Variants in SLC12A1 observed in about 807,000 individuals in gnomAD.
SLC12A1 encodes Na-K-2Cl cotransporter.
In SLC12A1, 89 loss-of-function variants were observed where a neutral mutation model predicts 130.4. That is an observed-to-expected ratio of 0.68 (90% CI 0.58 to 0.81). The LOEUF is 0.81. SLC12A1 is among the 40% of genes least tolerant of loss of function. SLC12A1 has a pLI of 0.00. For missense variants in SLC12A1, 1,310 were observed against 1,336.4 expected (o/e 0.98, Z 0.31); for synonymous variants, 499 against 460.0 (o/e 1.08, Z -1.09).
At chr15:48,212,911 A>G (rs190582774) in intron 2 of SLC12A1, among the ~76,000 whole-genome samples, 5 of 152,356 alleles carry the variant, frequency 3.3e-5, no homozygotes, top group East Asian at 1.9e-4. Flanking sequence ...CTTTAAATGC[A>G]GTGTAGTAAT....
At chr15:48,256,033 T>A in intron 16 of SLC12A1, 123 bp downstream of exon 16, 2 of 682,436 alleles carry the variant, frequency 2.9e-6, no homozygotes, top group Admixed American at 4.4e-5. Context: ...TAAGCAGTCA[T>A]ACAAAACTGC....
chr15:48,226,405 T>C (rs893764675), intron 4 of SLC12A1, 71 bp from the exon 5 acceptor site: 1 of 909,622 alleles, frequency 1.1e-6, no homozygotes, highest in African/African-American at 1.7e-5. Flanking sequence ...AAAGGCAGTG[T>C]AGTTTGCAGC....
At chr15:48,266,073 T>G (rs992379821) in intron 17 of SLC12A1, among the ~76,000 whole-genome samples, 6 of 152,204 alleles carry the variant, frequency 3.9e-5, no homozygotes, top group African/African-American at 1.4e-4. Context: ...ACATTTCAAA[T>G]GTTCAATAGC....
intron 18 of SLC12A1, among the ~76,000 whole-genome samples, chr15:48,268,851 T>C (rs1327516171): frequency 6.6e-6 from 1 of 152,186 alleles, no homozygotes; most frequent in Non-Finnish European, 1.5e-5. Flanking sequence ...AAAATAATAT[T>C]TTCAACTAGG....
chr15:48,251,847 C>A (rs927972402), intron 15 of SLC12A1, 77 bp downstream of exon 15: 1 of 1,264,524 alleles, frequency 7.9e-7, no homozygotes, highest in African/African-American at 1.5e-5. Flanking sequence ...TATTGAGCAG[C>A]TTCTATGGGC....
intron 7 of SLC12A1, 111 bp from the exon 8 acceptor site, chr15:48,232,616 A>C: frequency 1.3e-6 from 1 of 748,692 alleles, no homozygotes; most frequent in Non-Finnish European, 2.4e-6. Context: ...GCAGAGACTT[A>C]ACTGAAATAT....
intron 4 of SLC12A1, chr15:48,221,409 G>T: frequency 1.4e-6 from 1 of 700,476 alleles, no homozygotes; most frequent in South Asian, 1.5e-5. Flanking sequence ...TGGTGAAAAT[G>T]TGACCTGACT....
Position 48,301,320 on chromosome 15 carries a change from C to T in SLC12A1, c.3102C>T (p.Tyr1034=), listed in dbSNP as rs563145063. 1.9e-6 allele frequency: 3 copies of T among 1,599,188 alleles called. No individual in the cohort carries two copies. Among genetic ancestry groups the T allele is most frequent in the Admixed American group, 3.4e-5 (2 of 58,550 alleles). The change falls in exon 26 of 27, where the codon TAC becomes TAT. Residue 1034 remains tyrosine, a synonymous_variant. Transcript: ENST00000380993. Reference sequence around the variant, plus strand: ...AATCTGAATGTTGCCCACAGAGTTACCGCCAAGTTCGACTGAATGAACTCT... The same window carrying T: ...AATCTGAATGTTGCCCACAGAGTTATCGCCAAGTTCGACTGAATGAACTCT... The part of the protein sequence containing the change: ...AELEAVKEKS[Y]RQVRLNELLQ...
intron 24 of SLC12A1, 88 bp downstream of exon 24, chr15:48,291,952 G>A (rs1174730105): frequency 8.1e-6 from 7 of 867,230 alleles, no homozygotes; most frequent in Non-Finnish European, 1.1e-5. Flanking sequence ...AAAATGTTAT[G>A]TATTTACTGC....
Position 48,291,799 on chromosome 15 carries a change from A to G in SLC12A1, c.2895A>G (p.Lys965=). 1 of 1,565,430 alleles carries G rather than the reference A, an allele frequency of 6.4e-7. No individual in the cohort carries two copies. The highest frequency in any genetic ancestry group is 2.3e-5 in the East Asian group (1 of 42,842). ...EKIVMASLLS[K]FRIKFADIHI... ...TCAGAATGGCTTCCCTTCTGAGCAAATTTAGGATAAAATTTGCAGACATCC... is the reference window on the plus strand; with the variant it reads ...TCAGAATGGCTTCCCTTCTGAGCAAGTTTAGGATAAAATTTGCAGACATCC... The change falls in exon 24 of 27, where the codon AAA becomes AAG. Residue 965 remains lysine (K), a synonymous_variant. Transcript: ENST00000380993.
intron 25 of SLC12A1, among the ~76,000 whole-genome samples, chr15:48,300,426 G>C (rs2042221019): frequency 6.6e-6 from 1 of 152,068 alleles, no homozygotes; most frequent in Non-Finnish European, 1.5e-5. Flanking sequence ...GTGGGATTTT[G>C]GACAGTGAAG....
intron 14 of SLC12A1, 27 bp downstream of exon 14, chr15:48,249,703 G>A (rs1385864940): frequency 6.8e-7 from 1 of 1,466,784 alleles, no homozygotes; most frequent in Admixed American, 1.7e-5. Context: ...ACTAAAATAT[G>A]CCTAAGCAAA....
intron 20 of SLC12A1, among the ~76,000 whole-genome samples, chr15:48,278,506 C>T (rs974761670): frequency 5.3e-5 from 8 of 152,100 alleles, no homozygotes; most frequent in Non-Finnish European, 1.0e-4. Flanking sequence ...TAAAGAGAGG[C>T]AATGGTGAAA....
In SLC12A1 at chr15:48,274,691, G is replaced by T. The variant is rs773841408; in HGVS notation, c.2485+38G>T. On this transcript the variant is annotated intron_variant, in intron 20 of 26. Coordinates refer to ENST00000380993, the MANE Select transcript of SLC12A1 (RefSeq NM_000338.3). ...TTTATTCAACCAACAAGTATTTATTGAGCACCTACTTTGTGCCTGACATTG... is the reference window on the plus strand; with the variant it reads ...TTTATTCAACCAACAAGTATTTATTTAGCACCTACTTTGTGCCTGACATTG... The T allele has an allele frequency of 2.8e-6, 4 of 1,408,182 alleles. 1 individual carries two copies. The South Asian group carries it at 4.7e-5, about 17-fold the overall frequency. 87.2% of individuals were successfully genotyped at this position (1,408,182 alleles called of 1,614,324 possible).
intron 10 of SLC12A1, among the ~76,000 whole-genome samples, chr15:48,243,449 A>G (rs1052434240): frequency 6.6e-6 from 1 of 152,128 alleles, no homozygotes; most frequent in Non-Finnish European, 1.5e-5. Context: ...CGAGGTCAGG[A>G]GTTCAAGACC....
chr15:48,283,290 G>A (rs1367073895), intron 20 of SLC12A1, among the ~76,000 whole-genome samples: 4 of 152,152 alleles, frequency 2.6e-5, no homozygotes, highest in Non-Finnish European at 4.4e-5. Context: ...TTTCACAGAC[G>A]GGAAATCCGA....
intron 15 of SLC12A1, among the ~76,000 whole-genome samples, chr15:48,253,970 A>C (rs549381378): frequency 6.6e-6 from 1 of 152,170 alleles, no homozygotes; most frequent in Non-Finnish European, 1.5e-5. Flanking sequence ...GTCTGTTTAA[A>C]TCTTTCGCTC....
At position 48,291,795 on chromosome 15, in the gene SLC12A1, G is replaced by C; in HGVS notation, c.2891G>C (p.Ser964Thr). ...EEKIVMASLL[S>T]KFRIKFADIH... Reference sequence around the variant, plus strand: ...ATTTTCAGAATGGCTTCCCTTCTGAGCAAATTTAGGATAAAATTTGCAGAC... The same window carrying C: ...ATTTTCAGAATGGCTTCCCTTCTGACCAAATTTAGGATAAAATTTGCAGAC... Residue 964 changes from serine (S) to threonine (T), a missense_variant, in exon 24 of 27, where the codon AGC (serine) becomes ACC (threonine). Coordinates refer to ENST00000380993, the MANE Select transcript of SLC12A1 (RefSeq NM_000338.3). 1 of 1,562,344 alleles carries C rather than the reference G, an allele frequency of 6.4e-7. No homozygotes were observed. Among genetic ancestry groups the C allele is most frequent in the South Asian group, 1.2e-5 (1 of 84,622 alleles).
Position 48,291,788 on chromosome 15 carries a change from C to A in SLC12A1, c.2884C>A (p.Leu962Ile). ...CTTTTATATTTTCAGAATGGCTTCC[C>A]TTCTGAGCAAATTTAGGATAAAATT... is the stretch of plus-strand genomic sequence containing the variant. ...IEEEKIVMASLLSKFRIKFAD... is the reference protein window; with the variant it reads ...IEEEKIVMASILSKFRIKFAD... The change falls in exon 24 of 27, where the codon CTT (leucine) becomes ATT (isoleucine). Residue 962 changes from leucine (L) to isoleucine (I), a missense_variant. Leu to Ile is a conservative substitution (Grantham distance 5, BLOSUM62 2). Coordinates refer to ENST00000380993, the MANE Select transcript of SLC12A1 (RefSeq NM_000338.3). The A allele has an allele frequency of 6.4e-7, 1 of 1,556,418 alleles. No homozygotes were observed. Among genetic ancestry groups the A allele is most frequent in the East Asian group, 2.4e-5 (1 of 42,344 alleles).
Sources: allele counts gnomAD v4.1 joint callset (sites outside exome capture counted in the v4.1 genomes callset), GRCh38; gene constraint gnomAD v4.1.1; transcripts MANE v1.5; gene names NCBI Gene and HGNC (gene_info 2026-07-23, HGNC 2026-07-21).